Variants in IQCM observed in about 807,000 individuals in gnomAD.
The protein encoded by IQCM is IQ motif containing M, also known as IQ domain-containing protein M.
A neutral mutation model predicts 57.6 loss-of-function variants in IQCM; 45 were observed. The ratio of observed to expected loss-of-function variants is 0.78; its 90% confidence interval spans 0.62 to 1.00. The LOEUF (loss-of-function observed/expected upper bound fraction) is 1.00. Among genes scored for constraint, IQCM ranks in the 50% least tolerant of loss-of-function variants. The probability of loss-of-function intolerance (pLI) is 0.00; values close to 1 mark genes in which losing one functional copy is unlikely to be tolerated. For synonymous variants in IQCM, 148 were observed against 158.9 expected (o/e 0.93, Z 0.51); for missense variants, 468 against 511.6 (o/e 0.91, Z 0.82).
chr4:149,458,500 T>A (rs987907154), intron 12 of IQCM, among the ~76,000 whole-genome samples: 1 of 152,032 alleles, frequency 6.6e-6, no homozygotes, highest in Non-Finnish European at 1.5e-5. Context: ...TCTCTAATCC[T>A]CTTAGTGTTT....
chr4:149,682,821 A>G (rs1762278276), intron 6 of IQCM, among the ~76,000 whole-genome samples: 1 of 151,100 alleles, frequency 6.6e-6, no homozygotes, highest in South Asian at 2.1e-4. Flanking sequence ...AAATGAAGAA[A>G]CTAAGACATT....
At chr4:149,674,741 C>T (rs912233228) in intron 7 of IQCM, among the ~76,000 whole-genome samples, 1 of 152,058 alleles carries the variant, frequency 6.6e-6, no homozygotes, top group South Asian at 2.1e-4. Flanking sequence ...CTTAATTAAG[C>T]AGTTGAACAT....
In IQCM at chr4:149,758,959, CAA is replaced by C. The variant is rs141194521; in HGVS notation, c.-48-16222_-48-16221del. 9.2e-3 allele frequency among the ~76,000 whole-genome samples: 1,375 copies of C among 150,186 alleles called. 11 individuals carry two copies. The highest frequency in any genetic ancestry group is 0.031 in the African/African-American group (1,274 of 40,834). On this transcript the variant is annotated intron_variant, in intron 2 of 13. Coordinates refer to ENST00000636793, the MANE Select transcript of IQCM (RefSeq NM_001363507.2). ...GCTATAGCACTCCTTAGTATTTCCTCAAAGAGTTTAAAACATGTCCACATAAA... is the reference window on the plus strand; with the variant it reads ...GCTATAGCACTCCTTAGTATTTCCTCAGAGTTTAAAACATGTCCACATAAA...
rs562578345 is a variant in IQCM, at chr4:149,743,953, A to T, written c.-48-1214T>A. Among the ~76,000 whole-genome samples, 175 of 152,334 alleles carry T rather than the reference A, an allele frequency of 1.1e-3. 3 individuals are homozygous for T. The South Asian group carries it at 0.035, about 31-fold the overall frequency. On this transcript the variant is annotated intron_variant, in intron 2 of 13. Coordinates refer to ENST00000636793, the MANE Select transcript of IQCM (RefSeq NM_001363507.2). ...ATGGAGACCCTTGTTCTAAGATTCT[A>T]TGTATAATTGTTCAGTTGGCAGACT...
intron 8 of IQCM, among the ~76,000 whole-genome samples, chr4:149,609,189 T>C (rs1354243989): frequency 1.3e-5 from 2 of 151,542 alleles, no homozygotes; most frequent in African/African-American, 4.8e-5. Flanking sequence ...GATTGAACCA[T>C]GAAGAAATAA....
chr4:149,471,421 G>T (rs1739527610), intron 12 of IQCM, among the ~76,000 whole-genome samples: 5 of 152,096 alleles, frequency 3.3e-5, no homozygotes, highest in African/African-American at 1.2e-4. Flanking sequence ...AAAACAGGAA[G>T]AAGCTGAATC....
chr4:149,735,387 T>A lies in IQCM; in HGVS notation c.109A>T (p.Lys37Ter), dbSNP rs536712874. The change falls in exon 4 of 14, where the codon AAA becomes TAA. Residue 37 changes from lysine (K) to a stop codon, truncating the protein, a stop_gained. Coordinates refer to ENST00000636793, the MANE Select transcript of IQCM (RefSeq NM_001363507.2). LOFTEE classifies it high-confidence loss of function. Reference protein sequence around the residue: ...AKTLIAQHYEKINENKVQGTS... With the variant: ...AKTLIAQHYE ...TGCAAAGGACTAACCTCATTTATTT[T>A]CTCATAATGTTGGGCAATGAGAGTT... is the stretch of plus-strand genomic sequence containing the variant. 7.5e-5 allele frequency: 92 copies of A among 1,227,166 alleles called. No individual in the cohort carries two copies. Among genetic ancestry groups the A allele is most frequent in the Non-Finnish European group, 9.1e-5 (90 of 983,770 alleles). 76.0% of individuals were successfully genotyped at this position (1,227,166 alleles called of 1,614,324 possible). A position where few individuals can be genotyped will look rare whatever the true frequency, so the allele number is the denominator to read the frequency against.
intron 7 of IQCM, among the ~76,000 whole-genome samples, chr4:149,640,442 A>G (rs1280520561): frequency 6.6e-6 from 1 of 152,202 alleles, no homozygotes; most frequent in Non-Finnish European, 1.5e-5. Context: ...TACATATACA[A>G]TCTCACCTGG....
chr4:149,540,832 T>A (rs1407908140), intron 12 of IQCM, among the ~76,000 whole-genome samples: 3 of 152,148 alleles, frequency 2.0e-5, no homozygotes, highest in Non-Finnish European at 4.4e-5. Flanking sequence ...GTTGCCAGTG[T>A]TCTTCATTTC....
chr4:149,771,377 C>T (rs1365689953), intron 2 of IQCM, among the ~76,000 whole-genome samples: 1 of 152,108 alleles, frequency 6.6e-6, no homozygotes, highest in South Asian at 2.1e-4. Context: ...ACAAAGACGG[C>T]CTTAAAATAG....
chr4:149,539,718 AGCTG>A (rs1365136366), intron 12 of IQCM, among the ~76,000 whole-genome samples: 2 of 151,954 alleles, frequency 1.3e-5, no homozygotes, highest in Non-Finnish European at 2.9e-5. Flanking sequence ...ACAAAAATCT[AGCTG>A]GGCATTATTG....
At chr4:149,392,611 G>A (rs1287938546) in intron 13 of IQCM, among the ~76,000 whole-genome samples, 5 of 151,778 alleles carry the variant, frequency 3.3e-5, no homozygotes, top group Admixed American at 1.3e-4. Context: ...ATACTAACTC[G>A]ATGGTTCCAG....
chr4:149,583,873 A>G (rs1423430014), intron 9 of IQCM, among the ~76,000 whole-genome samples: 2 of 151,438 alleles, frequency 1.3e-5, no homozygotes, highest in Non-Finnish European at 3.0e-5. Flanking sequence ...GATATTTTAT[A>G]TTAAGGATAC....
chr4:149,398,743 G>C (rs1437574738), intron 13 of IQCM, among the ~76,000 whole-genome samples: 1 of 152,014 alleles, frequency 6.6e-6, no homozygotes, highest in Non-Finnish European at 1.5e-5. Context: ...GTCTAGCTAT[G>C]TTGCCCAGGC....
intron 2 of IQCM, among the ~76,000 whole-genome samples, chr4:149,775,888 G>A (rs968300459): frequency 1.3e-5 from 2 of 152,182 alleles, no homozygotes; most frequent in Admixed American, 1.3e-4. Context: ...CAAAGGTGGA[G>A]AGCTATCCCT....
intron 2 of IQCM, among the ~76,000 whole-genome samples, chr4:149,768,241 A>T (rs1233407077): frequency 6.6e-6 from 1 of 152,152 alleles, no homozygotes; most frequent in African/African-American, 2.4e-5. Context: ...TAATTTCAAA[A>T]TCCTTCTGAA....
At chr4:149,644,446 A>G (rs1455735988) in intron 7 of IQCM, among the ~76,000 whole-genome samples, 2 of 152,158 alleles carry the variant, frequency 1.3e-5, no homozygotes, top group Non-Finnish European at 2.9e-5. Context: ...AAATACTTTT[A>G]TGTTTTGCTT....
At chr4:149,706,438 T>C (rs1215373727) in intron 5 of IQCM, among the ~76,000 whole-genome samples, 8 of 151,978 alleles carry the variant, frequency 5.3e-5, no homozygotes, top group African/African-American at 1.9e-4. Context: ...TAGATGGCTG[T>C]GCTTTCTCTA....
At chr4:149,380,404 A>G (rs1730996354) in intron 13 of IQCM, among the ~76,000 whole-genome samples, 1 of 152,156 alleles carries the variant, frequency 6.6e-6, no homozygotes, top group Non-Finnish European at 1.5e-5. Context: ...TGTAATTACA[A>G]AGTTATGGCA....
Sources: allele counts gnomAD v4.1 joint callset (sites outside exome capture counted in the v4.1 genomes callset), GRCh38; gene constraint gnomAD v4.1.1; transcripts MANE v1.5; gene names NCBI Gene and HGNC (gene_info 2026-07-23, HGNC 2026-07-21).